NAALADL2: variants seen among roughly 807,000 people sequenced by gnomAD.
The protein encoded by NAALADL2 is N-acetylated alpha-linked acidic dipeptidase like 2, also known as inactive N-acetylated-alpha-linked acidic dipeptidase-like protein 2.
In NAALADL2, 76 loss-of-function variants were observed where a neutral mutation model predicts 87.2. The observed-to-expected ratio is 0.87, with a 90% CI of 0.72 to 1.05. NAALADL2 has a LOEUF of 1.05. Ranked by LOEUF, NAALADL2 falls within the 50% of genes least tolerant of loss-of-function variation. The pLI, the probability that NAALADL2 is intolerant of heterozygous loss-of-function variation, is 0.00. For missense variants in NAALADL2, 1,089 were observed against 945.8 expected (o/e 1.15, Z -1.99); for synonymous variants, 354 against 331.0 (o/e 1.07, Z -0.75).
At chr3:175,320,000 G>A (rs542020553) in intron 4 of NAALADL2, among the ~76,000 whole-genome samples, 12 of 152,226 alleles carry the variant, frequency 7.9e-5, no homozygotes, top group South Asian at 2.1e-4. Context: ...AAGTTAATAC[G>A]CAACATAAGC....
At chr3:174,840,941 A>G (rs1723958303) in intron 3 of NAALADL2, among the ~76,000 whole-genome samples, 1 of 152,092 alleles carries the variant, frequency 6.6e-6, no homozygotes, top group South Asian at 2.1e-4. Flanking sequence ...GAAAGAAAAC[A>G]TTCACAGTAG....
intron 4 of NAALADL2, among the ~76,000 whole-genome samples, chr3:175,261,891 C>G (rs1751106121): frequency 6.6e-6 from 1 of 152,002 alleles, no homozygotes; most frequent in Non-Finnish European, 1.5e-5. Context: ...CTGCTTAAGT[C>G]CATAAAGCAT....
At chr3:175,723,492 G>A (rs994548946) in intron 11 of NAALADL2, among the ~76,000 whole-genome samples, 4 of 152,072 alleles carry the variant, frequency 2.6e-5, no homozygotes, top group Non-Finnish European at 5.9e-5. Flanking sequence ...GGTAATATGA[G>A]TACCAATTGC....
rs117036963 is a variant in NAALADL2, at chr3:174,490,361, G to A, written c.-184+49329G>A. Among the ~76,000 whole-genome samples the A allele has an allele frequency of 1.9e-4, 29 of 152,204 alleles. No individual in the cohort carries two copies. In the East Asian group the frequency reaches 5.0e-3, roughly 26 times the overall value. The stretch of plus-strand genomic sequence containing the variant: ...AATGTCCAGAATTGGTAAATGTACA[G>A]AGACAGAAAGTAGATTATTGATTTC... On this transcript the variant is annotated intron_variant, in intron 1 of 3. Coordinates refer to the NAALADL2 transcript ENST00000434257.
chr3:174,886,982 G>A (rs776999197), intron 1 of NAALADL2, among the ~76,000 whole-genome samples: 13 of 152,088 alleles, frequency 8.5e-5, no homozygotes, highest in Non-Finnish European at 1.8e-4. Flanking sequence ...ACAAACGTGG[G>A]TACATTTTTC....
At chr3:175,197,946 T>C (rs1421430916) in intron 2 of NAALADL2, among the ~76,000 whole-genome samples, 2 of 152,082 alleles carry the variant, frequency 1.3e-5, no homozygotes, top group African/African-American at 4.8e-5. Context: ...ATTAGATGTT[T>C]GTGGGAAAGT....
chr3:175,177,379 A>G (rs1735838898), intron 2 of NAALADL2, among the ~76,000 whole-genome samples: 2 of 152,104 alleles, frequency 1.3e-5, no homozygotes, highest in African/African-American at 4.8e-5. Context: ...AAAGTCATTC[A>G]GAATCACTTA....
intron 10 of NAALADL2, among the ~76,000 whole-genome samples, chr3:175,608,874 T>C (rs983049047): frequency 2.2e-4 from 34 of 152,152 alleles, no homozygotes; most frequent in Non-Finnish European, 2.1e-4. Flanking sequence ...ATTTATATAA[T>C]TGACTTTTAT....
At chr3:175,386,139 A>G (rs915928140) in intron 5 of NAALADL2, among the ~76,000 whole-genome samples, 1 of 152,038 alleles carries the variant, frequency 6.6e-6, no homozygotes, top group Non-Finnish European at 1.5e-5. Flanking sequence ...TCTTAATATC[A>G]TCAAATATTT....
At chr3:174,594,599 C>T (rs753667845) in intron 2 of NAALADL2, among the ~76,000 whole-genome samples, 1 of 152,144 alleles carries the variant, frequency 6.6e-6, no homozygotes, top group Non-Finnish European at 1.5e-5. Flanking sequence ...GCTACTGACC[C>T]AGACTAGCTA....
At chr3:175,512,424 A>T (rs922775875) in intron 9 of NAALADL2, among the ~76,000 whole-genome samples, 1 of 152,170 alleles carries the variant, frequency 6.6e-6, no homozygotes, top group Non-Finnish European at 1.5e-5. Context: ...TAATATTAAT[A>T]CATTGAATTT....
At chr3:174,643,094 T>A (rs2593847) in intron 2 of NAALADL2, among the ~76,000 whole-genome samples, 22,214 of 152,074 alleles carry the variant, frequency 0.15, 1,810 homozygotes, top group South Asian at 0.27. Context: ...AAAAATATAA[T>A]TTTAAGCAAG....
chr3:174,889,765 T>G (rs74461928), intron 1 of NAALADL2, among the ~76,000 whole-genome samples: 4,351 of 152,316 alleles, frequency 0.029, 99 homozygotes, highest in Non-Finnish European at 0.041. Context: ...GATCTTATGA[T>G]TCTCTCCCTC....
chr3:175,471,474 CAAAA>C (rs368173654), intron 8 of NAALADL2, among the ~76,000 whole-genome samples, 161 bp from the exon 9 acceptor site: 1 of 60,068 alleles, frequency 1.7e-5, no homozygotes, highest in Non-Finnish European at 4.0e-5. Flanking sequence ...GAGTCTGTCT[CAAAA>C]AAAAAAAAAA....
chr3:175,350,473 C>A (rs1763645245), intron 5 of NAALADL2, among the ~76,000 whole-genome samples: 1 of 152,028 alleles, frequency 6.6e-6, no homozygotes, highest in Non-Finnish European at 1.5e-5. Context: ...CTCTGATGGG[C>A]AAACATGTTT....
intron 13 of NAALADL2, among the ~76,000 whole-genome samples, chr3:175,759,379 A>G (rs1262260207): frequency 1.4e-5 from 2 of 142,664 alleles, no homozygotes; most frequent in African/African-American, 2.6e-5. Flanking sequence ...TTCTTTTGAG[A>G]TGGAGTCTCG....
intron 1 of NAALADL2, among the ~76,000 whole-genome samples, chr3:175,044,475 G>A (rs990215519): frequency 2.6e-5 from 4 of 151,948 alleles, no homozygotes; most frequent in South Asian, 2.1e-4. Context: ...TATCTGTCTC[G>A]TGTATTGCAA....
chr3:174,749,187 A>C (rs1322531234), intron 3 of NAALADL2, among the ~76,000 whole-genome samples: 2 of 152,112 alleles, frequency 1.3e-5, no homozygotes. Flanking sequence ...GCCTCTCTAA[A>C]CCAGTTACAT....
At chr3:174,467,975 G>T (rs1046811999) in intron 1 of NAALADL2, among the ~76,000 whole-genome samples, 2 of 151,996 alleles carry the variant, frequency 1.3e-5, no homozygotes, top group African/African-American at 4.8e-5. Context: ...TATGGTAAAG[G>T]TTAAGACAAA....
Sources: gnomAD v4.1 joint callset for allele counts (sites outside exome capture counted in the v4.1 genomes callset) on GRCh38, gnomAD v4.1.1 for gene constraint, MANE v1.5 for transcripts, NCBI Gene and HGNC (gene_info 2026-07-23, HGNC 2026-07-21) for gene names.